The following MATN4 variants were observed in gnomAD, a reference collection of about 807,000 sequenced individuals.
The protein encoded by MATN4 is matrilin 4, also known as matrilin-4.
MATN4 carries 40 observed loss-of-function variants against 54.6 expected under a neutral mutation model. That is an observed-to-expected ratio of 0.73 (90% CI 0.57 to 0.95). MATN4 has a LOEUF of 0.95. Ranked by LOEUF, MATN4 falls within the 40% of genes least tolerant of loss-of-function variation. The probability of loss-of-function intolerance (pLI) is 0.00; values close to 1 mark genes in which losing one functional copy is unlikely to be tolerated. For missense variants in MATN4, 810 were observed against 819.1 expected (o/e 0.99, Z 0.13); for synonymous variants, 351 against 345.3 (o/e 1.02, Z -0.18).
chr20:45,303,025 G>A (rs1467677646), intron 3 of MATN4, among the ~76,000 whole-genome samples: 1 of 144,660 alleles, frequency 6.9e-6, no homozygotes, highest in Non-Finnish European at 1.5e-5. Context: ...GGAGGTTGCA[G>A]TGAGCTAAGA....
At position 45,298,107 on chromosome 20, in the gene MATN4, C is replaced by T. The variant is rs958704102; in HGVS notation, c.1427-37G>A. On this transcript the variant is annotated intron_variant, in intron 7 of 9. Transcript: ENST00000372756. The surrounding 1 kb of genome is among the most constrained non-coding windows in gnomAD (Gnocchi z 4.6). ...GGGTCTCAGAGGGTGCCCCAGGCCT[C>T]GGGAAAGCTGCCTCCCAGCGTCTGA... 6.2e-7 allele frequency: 1 copy of T among 1,604,216 alleles called. No homozygotes were observed. The highest frequency in any genetic ancestry group is 8.5e-7 in the Non-Finnish European group (1 of 1,172,936).
At chr20:45,294,536 G>C (rs1985690758) in intron 8 of MATN4, among the ~76,000 whole-genome samples, 1 of 152,244 alleles carries the variant, frequency 6.6e-6, no homozygotes, top group African/African-American at 2.4e-5. Flanking sequence ...GTAGCTACAA[G>C]CCACATGTGG....
At position 45,300,881 on chromosome 20, in the gene MATN4, ACTCACGGTTGCAG is replaced by A. The variant is rs1260193764; in HGVS notation, c.1005_1012+5del. ...CCAACAGAACACCCTCCCGCCCATC[ACTCACGGTTGCAG>A]CTCTTGCCATCTGCCTGAAGTTGCC... On this transcript the variant is annotated splice_donor_variant and splice_donor_5th_base_variant and coding_sequence_variant and intron_variant, in exon 6 of 10. Coordinates refer to ENST00000372756, the MANE Select transcript of MATN4 (RefSeq NM_001393530.1). LOFTEE classifies it high-confidence loss of function. The A allele has an allele frequency of 6.2e-7, 1 of 1,612,266 alleles. No homozygotes were observed. The highest frequency in any genetic ancestry group is 1.1e-5 in the South Asian group (1 of 91,006).
chr20:45,296,214 C>CAAAA (rs71181820), intron 8 of MATN4, among the ~76,000 whole-genome samples: 5 of 35,492 alleles, frequency 1.4e-4, no homozygotes, highest in Admixed American at 4.1e-4. Context: ...GACTCCATCT[C>CAAAA]AAAAAAAAAA....
chr20:45,302,304 CAAG>C (rs143352946), intron 3 of MATN4, among the ~76,000 whole-genome samples: 3,226 of 152,218 alleles, frequency 0.021, 71 homozygotes, highest in African/African-American at 0.059. Flanking sequence ...TTTCTAGAAA[CAAG>C]AAGACCCCAG....
In MATN4 at chr20:45,304,760, G is replaced by C; in HGVS notation, c.111C>G (p.Phe37Leu). 6.3e-7 allele frequency: 1 copy of C among 1,596,942 alleles called. No individual in the cohort carries two copies. The highest frequency in any genetic ancestry group is 8.6e-7 in the Non-Finnish European group (1 of 1,167,466). ...GCACGCTGCGGGAGCTGTCAATCAC[G>C]AACACCAGATCCAGGGGCCCAGTGT... is the stretch of plus-strand genomic sequence containing the variant. ...RCHTGPLDLVFVIDSSRSVRP... is the reference protein window; with the variant it reads ...RCHTGPLDLVLVIDSSRSVRP... Residue 37 changes from phenylalanine to leucine, a missense_variant, in exon 3 of 10, where the codon TTC becomes TTG. Coordinates refer to ENST00000372756, the MANE Select transcript of MATN4 (RefSeq NM_001393530.1).
At position 45,304,428 on chromosome 20, in the gene MATN4, C is replaced by G. The variant is rs560771442; in HGVS notation, c.443G>C (p.Gly148Ala). 6.5e-7 allele frequency: 1 copy of G among 1,531,762 alleles called. No individual in the cohort carries two copies. The highest frequency in any genetic ancestry group is 1.2e-5 in the South Asian group (1 of 80,348). 94.9% of individuals were successfully genotyped at this position (1,531,762 alleles called of 1,614,324 possible). The change falls in exon 3 of 10, where the codon GGG (glycine) becomes GCG (alanine). Residue 148 changes from glycine to alanine, a missense_variant. Gly to Ala is a moderately conservative substitution (Grantham distance 60). Coordinates refer to ENST00000372756, the MANE Select transcript of MATN4 (RefSeq NM_001393530.1). ...CTCGGCCACGCGGTCCTGGGGCCGC[C>G]CGTCTGTCACGATGACAGCGACACG... ...VPRVAVIVTD[G>A]RPQDRVAEVA...
At chr20:45,304,916 C>T (rs547759530) in intron 2 of MATN4, 119 bp from the exon 3 acceptor site, 2 of 622,740 alleles carry the variant, frequency 3.2e-6, no homozygotes, top group East Asian at 2.9e-5. Flanking sequence ...GCACAGCAAA[C>T]GCAGATTAGA....
At chr20:45,306,323 A>G (rs1188117689) in intron 1 of MATN4, among the ~76,000 whole-genome samples, 2 of 152,140 alleles carry the variant, frequency 1.3e-5, no homozygotes, top group African/African-American at 2.4e-5. Flanking sequence ...CTGGTACCCA[A>G]AGTCATTCGG....
At chr20:45,300,705 G>A (rs1986165815) in intron 6 of MATN4, among the ~76,000 whole-genome samples, 182 bp downstream of exon 6, 2 of 152,144 alleles carry the variant, frequency 1.3e-5, no homozygotes, top group South Asian at 4.1e-4. Flanking sequence ...ATTGACAGCA[G>A]AGTAGAGGAT....
Position 45,301,486 on chromosome 20 carries a change from C to T in MATN4, c.644-43G>A, listed in dbSNP as rs1181730717. On this transcript the variant is annotated intron_variant, in intron 3 of 9. Coordinates refer to ENST00000372756, the MANE Select transcript of MATN4 (RefSeq NM_001393530.1). Reference sequence around the variant, plus strand: ...TCAGTCTATGCCCAGGACTGCCCTTCTCAGCTCTGGTAGCACAACCACCTA... The same window carrying T: ...TCAGTCTATGCCCAGGACTGCCCTTTTCAGCTCTGGTAGCACAACCACCTA... 1.6e-5 allele frequency: 25 copies of T among 1,594,338 alleles called. No individual in the cohort carries two copies. The Admixed American group carries it at 1.9e-4, about 12-fold the overall frequency.
chr20:45,297,812 C>T, intron 8 of MATN4, 106 bp downstream of exon 8: 1 of 1,432,478 alleles, frequency 7.0e-7, no homozygotes, highest in Non-Finnish European at 9.7e-7. Context: ...CTAGTGAGCC[C>T]AACCTCTGGC....
chr20:45,296,739 G>A (rs983998134), intron 8 of MATN4, among the ~76,000 whole-genome samples: 2 of 152,142 alleles, frequency 1.3e-5, no homozygotes, highest in Admixed American at 6.5e-5. Flanking sequence ...GGCTGAGAGC[G>A]GGGAGGGAAG....
At chr20:45,307,029 A>C in intron 1 of MATN4, 12 of 828,216 alleles carry the variant, frequency 1.4e-5, no homozygotes, top group Non-Finnish European at 1.8e-5. Flanking sequence ...CACTATACAA[A>C]TAGGAAAACT....
chr20:45,308,086 C>A, intron 1 of MATN4, 89 bp downstream of exon 1: 1 of 1,249,976 alleles, frequency 8.0e-7, no homozygotes, highest in Non-Finnish European at 1.2e-6. Context: ...GCACCCTAGG[C>A]AGCGTCTCTG....
rs780467616 is a variant in MATN4, at chr20:45,297,970, G to T, written c.1527C>A (p.Asp509Glu). ...CCAGCAGGTGCGTCATGGTGCCGAA[G>T]TCCGGGGCATAGGACACGTGCAGTT... Reference protein sequence around the residue: ...PAELHVSYAPDFGTMTHLLEN... With the variant: ...PAELHVSYAPEFGTMTHLLEN... The change falls in exon 8 of 10, where the codon GAC (aspartate) becomes GAA (glutamate). Residue 509 changes from aspartate to glutamate, a missense_variant. Transcript: ENST00000372756. 84 of 1,614,182 alleles carry T rather than the reference G, an allele frequency of 5.2e-5. No homozygotes were observed. Among genetic ancestry groups the T allele is most frequent in the Non-Finnish European group, 7.0e-5 (83 of 1,180,036 alleles).
Position 45,298,708 on chromosome 20 carries a change from G to T in MATN4, c.1013-125C>A. 1 of 675,524 alleles carries T rather than the reference G, an allele frequency of 1.5e-6. No individual in the cohort carries two copies. The highest frequency in any genetic ancestry group is 2.4e-6 in the Non-Finnish European group (1 of 415,436). 41.8% of individuals were successfully genotyped at this position (675,524 alleles called of 1,614,324 possible). On this transcript the variant is annotated intron_variant, in intron 6 of 9. Transcript: ENST00000372756. This position sits in a 1 kb window ranked among gnomAD's most constrained non-coding sequence, Gnocchi z 4.6. ...AGACAACATTTCCTGAGTCCTTCCT[G>T]TGCCAGGCAGTGTGCTAAGTAATAA...
Position 45,300,844 on chromosome 20 carries a change from A to G in MATN4, c.1012+43T>C, listed in dbSNP as rs955481784. 3.7e-6 allele frequency: 6 copies of G among 1,607,404 alleles called. No homozygotes were observed. The African/African-American group carries it at 8.0e-5, about 21-fold the overall frequency. On this transcript the variant is annotated intron_variant, in intron 6 of 9. Coordinates refer to ENST00000372756, the MANE Select transcript of MATN4 (RefSeq NM_001393530.1). ...GTCAAGGACACTCCAAATGTGGGCA[A>G]TGGGGCAGAAGCCAACAGAACACCC...
chr20:45,304,488 G>T lies in MATN4; in HGVS notation c.383C>A (p.Ala128Asp), dbSNP rs367943430. ...QYAMNVAFSV[A>D]EGARPPEERV... ...CTCCTCTGGCGGTCGCGCGCCCTCGGCCACACTGAAGGCCACGTTCATGGC... is the reference window on the plus strand; with the variant it reads ...CTCCTCTGGCGGTCGCGCGCCCTCGTCCACACTGAAGGCCACGTTCATGGC... The change falls in exon 3 of 10, where the codon GCC becomes GAC. Residue 128 changes from alanine (A) to aspartate (D), a missense_variant. Ala to Asp is a moderately radical substitution (Grantham distance 126). Transcript: ENST00000372756. 3 of 1,579,228 alleles carry T rather than the reference G, an allele frequency of 1.9e-6. No individual in the cohort carries two copies. Among genetic ancestry groups the T allele is most frequent in the Non-Finnish European group, 2.6e-6 (3 of 1,154,686 alleles).
Sources: gnomAD v4.1 joint callset for allele counts (sites outside exome capture counted in the v4.1 genomes callset) on GRCh38, gnomAD v4.1.1 for gene constraint, Gnocchi (gnomAD v3.1) non-coding constraint, MANE v1.5 for transcripts, NCBI Gene and HGNC (gene_info 2026-07-23, HGNC 2026-07-21) for gene names.